The following IRAG2 variants were observed in gnomAD, a reference collection of about 807,000 sequenced individuals.
The protein encoded by IRAG2 is inositol 1,4,5-triphosphate receptor associated 2, also known as lymphoid restricted membrane protein.
In IRAG2, 45 loss-of-function variants were observed where a neutral mutation model predicts 69.9. The observed-to-expected ratio is 0.64, with a 90% CI of 0.51 to 0.83. IRAG2 has a LOEUF of 0.83. Among genes scored for constraint, IRAG2 ranks in the 40% least tolerant of loss-of-function variants. The probability of loss-of-function intolerance (pLI) is 0.00; values close to 1 mark genes in which losing one functional copy is unlikely to be tolerated. For missense variants in IRAG2, 520 were observed against 587.0 expected, an observed-to-expected ratio of 0.89 and a Z score of 1.18; for synonymous variants, 193 against 202.4, an observed-to-expected ratio of 0.95 and a Z score of 0.40.
chr12:25,023,081 G>T (rs369160593), intron 7 of IRAG2, among the ~76,000 whole-genome samples: 8 of 146,622 alleles, frequency 5.5e-5, no homozygotes, highest in African/African-American at 1.0e-4. Flanking sequence ...AACCGAGATC[G>T]CACTATTGTA....
At chr12:25,102,278 A>C in intron 17 of IRAG2, 37 bp downstream of exon 17, 2 of 1,527,510 alleles carry the variant, frequency 1.3e-6, no homozygotes, top group South Asian at 1.2e-5. Flanking sequence ...TCTAGCAAAT[A>C]CTATAAGACG....
At chr12:25,102,825 A>G (rs1267284901) in intron 17 of IRAG2, 1 of 152,266 alleles carries the variant, frequency 6.6e-6, no homozygotes, top group East Asian at 1.9e-4. Context: ...ATTACTAACT[A>G]AGAAGGAAGA....
chr12:25,043,124 A>T (rs973949837), intron 16 of IRAG2, among the ~76,000 whole-genome samples: 13 of 152,200 alleles, frequency 8.5e-5, no homozygotes, highest in African/African-American at 1.2e-4. Context: ...CCTATTGTGA[A>T]GAACCCAGAA....
chr12:25,062,269 A>G (rs1945681689), intron 2 of IRAG2, among the ~76,000 whole-genome samples: 1 of 152,124 alleles, frequency 6.6e-6, no homozygotes, highest in African/African-American at 2.4e-5. Flanking sequence ...ATCTGTTTCT[A>G]GGGCATCATG....
chr12:25,034,697 G>A (rs1312394682), intron 13 of IRAG2, among the ~76,000 whole-genome samples: 1 of 152,128 alleles, frequency 6.6e-6, no homozygotes, highest in Non-Finnish European at 1.5e-5. Flanking sequence ...CCTATCTGTG[G>A]ACGATAGATA....
intron 2 of IRAG2, chr12:25,011,224 T>C (rs964933856): frequency 3.2e-6 from 2 of 632,866 alleles, no homozygotes; most frequent in Non-Finnish European, 4.5e-6. Context: ...CAGTGTTCTT[T>C]ACAATATACC....
At chr12:25,008,569 C>T (rs534895429) in intron 2 of IRAG2, among the ~76,000 whole-genome samples, 16 of 152,092 alleles carry the variant, frequency 1.1e-4, no homozygotes, top group South Asian at 1.0e-3. Flanking sequence ...TGAAACCCCA[C>T]CTCTACTAAA....
At chr12:25,004,667 C>G (rs1251430968) in exon 1 of IRAG2, 1 of 1,232,054 alleles carries the variant, frequency 8.1e-7, no homozygotes, top group Non-Finnish European at 1.0e-6. Flanking sequence ...GAGACTGCAA[C>G]ATACTCTGTT....
chr12:25,094,229 A>G (rs79028419), intron 14 of IRAG2, among the ~76,000 whole-genome samples: 12,532 of 151,872 alleles, frequency 0.083, 537 homozygotes, highest in South Asian at 0.14. Context: ...TCTTACTTTT[A>G]GGTATTTAAT....
intron 17 of IRAG2, 52 bp from the exon 18 acceptor site, chr12:25,103,784 TA>T: frequency 1.6e-6 from 2 of 1,276,486 alleles, no homozygotes; most frequent in Non-Finnish European, 2.3e-6. Flanking sequence ...GTGTTGCATA[TA>T]ATGATAAATT....
chr12:25,075,724 C>T (rs1022842041), intron 6 of IRAG2: 1 of 152,128 alleles, frequency 6.6e-6, no homozygotes, highest in African/African-American at 2.4e-5. Flanking sequence ...ATTTGAATGG[C>T]TTGGACAGAA....
Position 25,089,661 on chromosome 12 carries a change from C to G in IRAG2, c.421C>G (p.Leu141Val), listed in dbSNP as rs7969931. 1,201,248 of 1,601,444 alleles carry G rather than the reference C, an allele frequency of 0.75. 453,345 individuals carry two copies. Among genetic ancestry groups the G allele is most frequent in the East Asian group, 0.89 (40,038 of 44,814 alleles). Residue 141 changes from leucine (L) to valine (V), a missense_variant, in exon 12 of 22, where the codon CTT becomes GTT. Physicochemically the swap from Leu to Val is conservative, Grantham distance 32. Transcript: ENST00000556887. Reference sequence around the variant, plus strand: ...TGTAACCACTGTGAAATCGGTTAACCTTAGACAAAGTGAGAAGTAAGTGCT... The same window carrying G: ...TGTAACCACTGTGAAATCGGTTAACGTTAGACAAAGTGAGAAGTAAGTGCT... ...LPVTTVKSVN[L>V]RQSENTSANE...
rs1946947562 is a variant in IRAG2 at position 25,078,058 on chromosome 12, A to G, written c.25-1186A>G. Among the ~76,000 whole-genome samples the G allele has an allele frequency of 2.0e-5, 3 of 152,146 alleles. No homozygotes were observed. In the South Asian group the frequency reaches 6.2e-4, roughly 32 times the overall value. On this transcript the variant is annotated intron_variant, in intron 6 of 21. Transcript: ENST00000556887. ...TGGAGAAGACACTGTATTTAGTTCG[A>G]TATGTGTTTGAAAGCTGACTCCACC...
At chr12:25,029,354 T>G (rs1944650802) in intron 9 of IRAG2, among the ~76,000 whole-genome samples, 1 of 152,186 alleles carries the variant, frequency 6.6e-6, no homozygotes, top group Admixed American at 6.5e-5. Flanking sequence ...ACTGAAAAAT[T>G]TTATAACCTC....
rs1309653180 is a variant in IRAG2 at position 25,079,881 on chromosome 12, T to C, written c.244+118T>C. On this transcript the variant is annotated intron_variant, in intron 9 of 21. Transcript: ENST00000556887. ...ATGTTATTTAATTTTTTTTGTAAAATAATTCTTATAAAACAATTTTGAAGA... is the reference window on the plus strand; with the variant it reads ...ATGTTATTTAATTTTTTTTGTAAAACAATTCTTATAAAACAATTTTGAAGA... 25 of 623,322 alleles carry C rather than the reference T, an allele frequency of 4.0e-5. No homozygotes were observed. In the Admixed American group the frequency reaches 7.7e-4, roughly 19 times the overall value. The allele number at this position is 623,322 out of a possible 1,614,324, so 38.6% of individuals were successfully genotyped here. A position where few individuals can be genotyped will look rare whatever the true frequency, so the allele number is the denominator to read the frequency against.
At chr12:25,069,543 C>T in intron 6 of IRAG2, 112 bp downstream of exon 6, 2 of 945,536 alleles carry the variant, frequency 2.1e-6, no homozygotes, top group East Asian at 5.0e-5. Context: ...TATGGATATT[C>T]TTGTAGCAAG....
chr12:25,009,367 G>A (rs1047033615), intron 2 of IRAG2, among the ~76,000 whole-genome samples: 2 of 152,122 alleles, frequency 1.3e-5, no homozygotes, highest in African/African-American at 2.4e-5. Flanking sequence ...AACACTTGTA[G>A]CAAAATATTT....
rs544374655 is a variant in IRAG2, at chr12:25,089,772, T to C, written c.447T>C (p.Ala149=). 6.2e-7 allele frequency: 1 copy of C among 1,613,364 alleles called. No homozygotes were observed. Among genetic ancestry groups the C allele is most frequent in the African/African-American group, 1.3e-5 (1 of 75,036 alleles). Residue 149 remains alanine, a synonymous_variant, in exon 13 of 22, where the codon GCT becomes GCC. Transcript: ENST00000556887. ...VNLRQSENTS[A]NEKEVEAEFL... is the part of the protein sequence containing the mutation. Reference sequence around the variant, plus strand: ...TTGTCTTATCCTACAGCACTTCTGCTAATGAGAAGGAGGTGGAGGTGAGTT... The same window carrying C: ...TTGTCTTATCCTACAGCACTTCTGCCAATGAGAAGGAGGTGGAGGTGAGTT...
chr12:24,998,458 TA>T, the IRAG2 span, among the ~76,000 whole-genome samples: 1 of 152,126 alleles, frequency 6.6e-6, no homozygotes, highest in Non-Finnish European at 1.5e-5. Flanking sequence ...CATAAAATAG[TA>T]GTCACAAAGA....
Sources: gnomAD v4.1 joint callset for allele counts (sites outside exome capture counted in the v4.1 genomes callset) on GRCh38, gnomAD v4.1.1 for gene constraint, MANE v1.5 for transcripts, NCBI Gene and HGNC (gene_info 2026-07-23, HGNC 2026-07-21) for gene names.